Variants in PDGFD observed in about 807,000 individuals in gnomAD.
PDGFD encodes the protein platelet derived growth factor D.
PDGFD carries 30 observed loss-of-function variants against 44.7 expected under a neutral mutation model. The ratio of observed to expected loss-of-function variants is 0.67; its 90% CI spans 0.50 to 0.91. The LOEUF (loss-of-function observed/expected upper bound fraction) is 0.91. PDGFD is among the 40% of genes least tolerant of loss of function. PDGFD has a pLI of 0.00. For synonymous variants in PDGFD, 173 were observed against 168.4 expected, an observed-to-expected ratio of 1.03 and a Z score of -0.21; for missense variants, 445 against 457.8, an observed-to-expected ratio of 0.97 and a Z score of 0.25.
chr11:103,938,900 T>A (rs537724800), intron 5 of PDGFD, among the ~76,000 whole-genome samples: 1 of 152,340 alleles, frequency 6.6e-6, no homozygotes, highest in East Asian at 1.9e-4. Context: ...CTCTGTTCTG[T>A]TCCATTGGTT....
In PDGFD at chr11:104,119,514, T is replaced by C. The variant is rs1418704782; in HGVS notation, c.124+44290A>G. 6.3e-5 allele frequency among the ~76,000 whole-genome samples: 2 copies of C among 31,630 alleles called. 1 individual carries two copies. Among genetic ancestry groups the C allele is most frequent in the African/African-American group, 2.4e-4 (2 of 8,204 alleles). 20.8% of individuals were successfully genotyped at this position (31,630 alleles called of 152,430 possible). A position where few individuals can be genotyped will look rare whatever the true frequency, so the allele number is the denominator to read the frequency against. The stretch of plus-strand genomic sequence containing the variant: ...TATATTGATATAATATATAATATAT[T>C]AATATAATATATTGATATAATATAT... On this transcript the variant is annotated intron_variant, in intron 1 of 6. Transcript: ENST00000393158.
chr11:104,136,070 C>A (rs975180756), intron 1 of PDGFD, among the ~76,000 whole-genome samples: 38 of 152,112 alleles, frequency 2.5e-4, no homozygotes, highest in African/African-American at 8.7e-4. Flanking sequence ...GAGAGAGGAG[C>A]ATTCCTAGCA....
chr11:103,970,823 G>A (rs559388328), intron 3 of PDGFD, among the ~76,000 whole-genome samples: 1 of 152,200 alleles, frequency 6.6e-6, no homozygotes, highest in Non-Finnish European at 1.5e-5. Flanking sequence ...TTGAATAAGA[G>A]AAGAGAATAT....
intron 1 of PDGFD, among the ~76,000 whole-genome samples, chr11:104,086,917 T>C (rs539120261): frequency 1.3e-5 from 2 of 152,094 alleles, no homozygotes; most frequent in Middle Eastern, 6.8e-3. Flanking sequence ...CAAGAATAAA[T>C]TATAAACATC....
intron 1 of PDGFD, among the ~76,000 whole-genome samples, chr11:104,049,817 G>T (rs2134405401): frequency 6.6e-6 from 1 of 152,284 alleles, no homozygotes; most frequent in East Asian, 1.9e-4. Context: ...ATTTGGCAAG[G>T]AGGAGGTTGT....
chr11:103,999,553 G>A (rs955447780), intron 2 of PDGFD, among the ~76,000 whole-genome samples: 1 of 152,124 alleles, frequency 6.6e-6, no homozygotes, highest in African/African-American at 2.4e-5. Context: ...CGTATCTGAG[G>A]CCTTAACACT....
At chr11:104,089,655 A>C (rs2134435906) in intron 1 of PDGFD, among the ~76,000 whole-genome samples, 1 of 152,330 alleles carries the variant, frequency 6.6e-6, no homozygotes, top group East Asian at 1.9e-4. Context: ...TTACAGGATG[A>C]GGAAGTGAGT....
At chr11:104,072,152 T>C (rs1280242037) in intron 1 of PDGFD, among the ~76,000 whole-genome samples, 3 of 151,896 alleles carry the variant, frequency 2.0e-5, no homozygotes, top group Non-Finnish European at 3.0e-5. Context: ...GGAGATTCTT[T>C]ACATTTATAA....
At chr11:103,950,423 G>C (rs1219620552) in intron 3 of PDGFD, among the ~76,000 whole-genome samples, 1 of 151,202 alleles carries the variant, frequency 6.6e-6, no homozygotes, top group East Asian at 1.9e-4. Context: ...AATTAGCCAG[G>C]TGTGGTGGCA....
At chr11:104,080,567 T>C (rs945340129) in intron 1 of PDGFD, among the ~76,000 whole-genome samples, 2 of 152,222 alleles carry the variant, frequency 1.3e-5, no homozygotes, top group Non-Finnish European at 2.9e-5. Flanking sequence ...TCCTTCCATA[T>C]TGGTATCACA....
chr11:104,029,538 T>A (rs1860093889), intron 1 of PDGFD, among the ~76,000 whole-genome samples: 1 of 152,246 alleles, frequency 6.6e-6, no homozygotes, highest in African/African-American at 2.4e-5. Context: ...TGTACATAAT[T>A]CATAAAATAT....
rs954123279 is a variant in PDGFD at position 103,975,193 on chromosome 11, T to C, written c.510+20872A>G. Among the ~76,000 whole-genome samples the C allele has an allele frequency of 1.3e-5, 2 of 152,194 alleles. 1 individual carries two copies. Among genetic ancestry groups the C allele is most frequent in the South Asian group, 4.1e-4 (2 of 4,834 alleles). ...TTAGCAATCACCATTCTAACTAGCA[T>C]GAGGTGGTATGTCACTGTGGTTTTG... On this transcript the variant is annotated intron_variant, in intron 3 of 6. Transcript: ENST00000393158.
chr11:103,961,927 T>C (rs980273469), intron 3 of PDGFD, among the ~76,000 whole-genome samples: 18 of 152,292 alleles, frequency 1.2e-4, no homozygotes, highest in Non-Finnish European at 2.2e-4. Context: ...GTTGTTAATA[T>C]AGCCACATCT....
At position 104,119,008 on chromosome 11, in the gene PDGFD, A is replaced by ATAATATATCGATATATTATAT. The variant is rs1555055377; in HGVS notation, c.124+44795_124+44796insATATAATATATCGATATATTA. ...TAATTTATTAATATAATAAAATAAT[A>ATAATATATCGATATATTATAT]TAATATATTATATAATATATCGATA... is the stretch of plus-strand genomic sequence containing the variant. On this transcript the variant is annotated intron_variant, in intron 1 of 6. Transcript: ENST00000393158. Among the ~76,000 whole-genome samples the ATAATATATCGATATATTATAT allele has an allele frequency of 2.0e-3, 25 of 12,202 alleles. 12 individuals carry two copies. Among genetic ancestry groups the ATAATATATCGATATATTATAT allele is most frequent in the African/African-American group, 5.7e-3 (15 of 2,640 alleles). The allele number at this position is 12,202 out of a possible 152,430, so 8.0% of individuals were successfully genotyped here.
At chr11:104,023,642 T>A (rs1859996736) in intron 1 of PDGFD, among the ~76,000 whole-genome samples, 1 of 152,200 alleles carries the variant, frequency 6.6e-6, no homozygotes, top group Non-Finnish European at 1.5e-5. Context: ...AAATGTCACA[T>A]AACTTTTTCA....
intron 1 of PDGFD, among the ~76,000 whole-genome samples, chr11:104,138,101 CT>C (rs1166247980): frequency 6.6e-6 from 1 of 152,088 alleles, no homozygotes; most frequent in Non-Finnish European, 1.5e-5. Context: ...TTTCTGAACA[CT>C]TTTTTATTAT....
chr11:104,131,355 GC>G (rs757107836), intron 1 of PDGFD, among the ~76,000 whole-genome samples: 3 of 152,160 alleles, frequency 2.0e-5, no homozygotes, highest in Non-Finnish European at 4.4e-5. Flanking sequence ...TACTCCTGCT[GC>G]CTTGCCAGTG....
At chr11:104,142,493 A>AT (rs1310485250) in intron 1 of PDGFD, among the ~76,000 whole-genome samples, 2 of 152,110 alleles carry the variant, frequency 1.3e-5, no homozygotes, top group East Asian at 1.9e-4. Flanking sequence ...GATCTAATAG[A>AT]TTTTTTAAAA....
At chr11:104,010,464 C>T (rs1303898589) in intron 1 of PDGFD, among the ~76,000 whole-genome samples, 1 of 152,086 alleles carries the variant, frequency 6.6e-6, no homozygotes, top group Non-Finnish European at 1.5e-5. Context: ...CTTCACCTCA[C>T]TAGAACTTTT....
Sources: gnomAD v4.1 joint callset for allele counts (sites outside exome capture counted in the v4.1 genomes callset) on GRCh38, gnomAD v4.1.1 for gene constraint, MANE v1.5 for transcripts, NCBI Gene and HGNC (gene_info 2026-07-23, HGNC 2026-07-21) for gene names.